The following PAPPA2 variants were observed in gnomAD, a reference collection of about 807,000 sequenced individuals.
The protein encoded by PAPPA2 is pappalysin-2.
PAPPA2 carries 86 observed loss-of-function variants against 176.4 expected under a neutral mutation model. The ratio of observed to expected loss-of-function variants is 0.49; its 90% CI spans 0.41 to 0.58. The LOEUF (loss-of-function observed/expected upper bound fraction) is 0.58, where lower values mean the gene tolerates loss of function less well. Ranked by LOEUF, PAPPA2 falls within the 20% of genes least tolerant of loss-of-function variation. The pLI, the probability that PAPPA2 is intolerant of heterozygous loss-of-function variation, is 0.00. For synonymous variants in PAPPA2, 809 were observed against 852.2 expected, an observed-to-expected ratio of 0.95 and a Z score of 0.88; for missense variants, 2,073 against 2,256.9, an observed-to-expected ratio of 0.92 and a Z score of 1.65.
chr1:176,629,994 G>A (rs1656254046), intron 3 of PAPPA2, among the ~76,000 whole-genome samples: 1 of 151,360 alleles, frequency 6.6e-6, no homozygotes. Flanking sequence ...AGGAGACAGA[G>A]GTTGCAGTGA....
chr1:176,799,717 G>A (rs1490038697), intron 20 of PAPPA2, among the ~76,000 whole-genome samples: 2 of 152,140 alleles, frequency 1.3e-5, no homozygotes, highest in Non-Finnish European at 2.9e-5. Flanking sequence ...CAAAATAAGT[G>A]GAACTAATAT....
intron 14 of PAPPA2, 85 bp from the exon 15 acceptor site, chr1:176,765,581 C>G (rs1571294671): frequency 1.5e-6 from 2 of 1,332,402 alleles, no homozygotes; most frequent in African/African-American, 1.5e-5. Context: ...GGTTTAGGAG[C>G]CCTCCCAGAT....
intron 3 of PAPPA2, among the ~76,000 whole-genome samples, chr1:176,603,294 T>G (rs1654424948): frequency 1.3e-5 from 2 of 152,258 alleles, no homozygotes. Context: ...GAAAGACAGC[T>G]GCACACTTAC....
chr1:176,790,007 T>A (rs1399185055), intron 18 of PAPPA2, 30 bp downstream of exon 18: 1 of 1,609,802 alleles, frequency 6.2e-7, no homozygotes, highest in East Asian at 2.2e-5. Context: ...CTTATTTTCA[T>A]CAGGCTGTGC....
At chr1:176,493,551 G>A (rs1647416395) in intron 1 of PAPPA2, among the ~76,000 whole-genome samples, 1 of 152,134 alleles carries the variant, frequency 6.6e-6, no homozygotes, top group Admixed American at 6.5e-5. Context: ...CCCTTCTCAG[G>A]AGCAAAACCA....
intron 12 of PAPPA2, among the ~76,000 whole-genome samples, chr1:176,736,613 C>T (rs892931158): frequency 2.0e-5 from 3 of 146,936 alleles, no homozygotes; most frequent in Non-Finnish European, 3.0e-5. Flanking sequence ...ATATTTGTTA[C>T]TTGGTTGTGG....
intron 2 of PAPPA2, among the ~76,000 whole-genome samples, chr1:176,591,470 G>A (rs1253131869): frequency 6.8e-6 from 1 of 148,026 alleles, no homozygotes; most frequent in Non-Finnish European, 1.5e-5. Context: ...TCCTTTTGCT[G>A]CTCCCAGAGC....
chr1:176,510,300 C>T (rs1339785912), intron 1 of PAPPA2, among the ~76,000 whole-genome samples: 1 of 152,108 alleles, frequency 6.6e-6, no homozygotes, highest in Non-Finnish European at 1.5e-5. Flanking sequence ...ATCGTTTTCT[C>T]ACCTGAGCCT....
chr1:176,821,947 T>C (rs1397804705), intron 21 of PAPPA2, among the ~76,000 whole-genome samples: 4 of 152,230 alleles, frequency 2.6e-5, no homozygotes, highest in Admixed American at 1.3e-4. Flanking sequence ...TATCCAGTCC[T>C]AGCATCAGGT....
intron 3 of PAPPA2, among the ~76,000 whole-genome samples, chr1:176,604,027 C>T (rs1654475581): frequency 6.6e-6 from 1 of 152,236 alleles, no homozygotes; most frequent in Non-Finnish European, 1.5e-5. Context: ...GCACTCCAGC[C>T]ACACTGGCCT....
At chr1:176,485,097 G>C (rs1028391810) in intron 1 of PAPPA2, among the ~76,000 whole-genome samples, 4 of 152,180 alleles carry the variant, frequency 2.6e-5, no homozygotes, top group African/African-American at 9.7e-5. Flanking sequence ...CAACTTCCAA[G>C]CTTCCCACAT....
At chr1:176,622,046 A>G (rs1292623194) in intron 3 of PAPPA2, among the ~76,000 whole-genome samples, 1 of 152,130 alleles carries the variant, frequency 6.6e-6, no homozygotes, top group Non-Finnish European at 1.5e-5. Context: ...TTCTCTGCCC[A>G]GAATGCTGAG....
intron 14 of PAPPA2, among the ~76,000 whole-genome samples, chr1:176,753,691 G>A (rs1164331056): frequency 6.6e-6 from 1 of 150,626 alleles, no homozygotes; most frequent in Non-Finnish European, 1.5e-5. Context: ...CTCTCTTGCT[G>A]CTGGGAAAGG....
chr1:176,812,246 C>G (rs1460149448), intron 21 of PAPPA2, among the ~76,000 whole-genome samples: 1 of 146,630 alleles, frequency 6.8e-6, no homozygotes, highest in African/African-American at 2.5e-5. Flanking sequence ...TTTTCTCTTT[C>G]ACTGTCCTTC....
intron 1 of PAPPA2, among the ~76,000 whole-genome samples, chr1:176,465,498 G>T (rs934406227): frequency 6.6e-6 from 1 of 152,016 alleles, no homozygotes; most frequent in African/African-American, 2.4e-5. Context: ...ATATTTATTG[G>T]GCACATATAT....
chr1:176,599,349 C>A (rs1654171419), intron 3 of PAPPA2, among the ~76,000 whole-genome samples: 1 of 151,988 alleles, frequency 6.6e-6, no homozygotes, highest in Non-Finnish European at 1.5e-5. Context: ...GACACTTATG[C>A]CCCTGGTCTC....
chr1:176,765,488 T>C (rs187272370), intron 14 of PAPPA2, among the ~76,000 whole-genome samples, 178 bp from the exon 15 acceptor site: 3 of 152,212 alleles, frequency 2.0e-5, no homozygotes, highest in Admixed American at 2.0e-4. Flanking sequence ...TTAGTTTTTA[T>C]GTCTATTATG....
intron 1 of PAPPA2, among the ~76,000 whole-genome samples, chr1:176,537,933 T>G (rs1426423219): frequency 6.6e-6 from 1 of 152,112 alleles, no homozygotes; most frequent in African/African-American, 2.4e-5. Flanking sequence ...TTCCTTCTTC[T>G]ACTGGAGTTA....
chr1:176,638,502 G>A (rs960984196), intron 3 of PAPPA2, among the ~76,000 whole-genome samples: 2 of 152,008 alleles, frequency 1.3e-5, no homozygotes, highest in African/African-American at 4.8e-5. Flanking sequence ...ACTATTAAAC[G>A]AATGTATTGT....
Sources: gnomAD v4.1 joint callset for allele counts (sites outside exome capture counted in the v4.1 genomes callset) on GRCh38, gnomAD v4.1.1 for gene constraint, MANE v1.5 for transcripts, NCBI Gene and HGNC (gene_info 2026-07-23, HGNC 2026-07-21) for gene names.